SCML4: variants seen among roughly 807,000 people sequenced by gnomAD.
SCML4 encodes sex comb on midleg-like protein 4.
A neutral mutation model predicts 41.1 loss-of-function variants in SCML4; 34 were observed. The observed-to-expected ratio is 0.83, with a 90% confidence interval of 0.63 to 1.10. The LOEUF is 1.10. SCML4 is among the 50% of genes least tolerant of loss of function. The pLI is 0.00. For missense variants in SCML4, 522 were observed against 534.1 expected (o/e 0.98, Z 0.22); for synonymous variants, 214 against 220.9 (o/e 0.97, Z 0.28).
chr6:107,841,849 T>A, the SCML4 span, among the ~76,000 whole-genome samples: 1 of 152,202 alleles, frequency 6.6e-6, no homozygotes, highest in East Asian at 1.9e-4. Context: ...ACACCACTAT[T>A]TGCATTCACT....
chr6:107,832,432 C>G, the SCML4 span, among the ~76,000 whole-genome samples: 10 of 152,084 alleles, frequency 6.6e-5, no homozygotes, highest in Non-Finnish European at 1.5e-4. Context: ...CCACCCAGCA[C>G]AAGGGAGAGC....
At position 107,702,592 on chromosome 6, in the gene SCML4, A is replaced by C. The variant is rs1773271056; in HGVS notation, c.*2608T>G. ...TTGTTGTGGGATTTTTCTGGATCTC[A>C]TTGTTTTCACCCTGGCAGTTCTGAG... On this transcript the variant is annotated 3_prime_UTR_variant, in exon 8 of 8. Transcript: ENST00000369020. Among the ~76,000 whole-genome samples the C allele has an allele frequency of 6.6e-6, 1 of 152,166 alleles. No homozygotes were observed. Among genetic ancestry groups the C allele is most frequent in the Non-Finnish European group, 1.5e-5 (1 of 68,012 alleles).
At chr6:107,813,187 C>A (rs1456263061) in intron 1 of SCML4, among the ~76,000 whole-genome samples, 1 of 150,472 alleles carries the variant, frequency 6.6e-6, no homozygotes, top group Non-Finnish European at 1.5e-5. Context: ...CATGATGAAA[C>A]CCCGTCTCTA....
chr6:107,803,071 A>T (rs568738547), intron 1 of SCML4, among the ~76,000 whole-genome samples: 1 of 151,992 alleles, frequency 6.6e-6, no homozygotes, highest in African/African-American at 2.4e-5. Context: ...GCTGGAGTGC[A>T]GTGGCGTGAT....
chr6:107,803,764 T>C (rs1477881990), intron 1 of SCML4, among the ~76,000 whole-genome samples: 1 of 150,768 alleles, frequency 6.6e-6, no homozygotes, highest in East Asian at 1.9e-4. Flanking sequence ...AACCCTGTGC[T>C]CTCTGAAACA....
intron 1 of SCML4, among the ~76,000 whole-genome samples, chr6:107,815,535 C>T (rs1784499423): frequency 6.6e-6 from 1 of 152,150 alleles, no homozygotes; most frequent in Admixed American, 6.5e-5. Flanking sequence ...TTTGGAAAAT[C>T]ACACCACCCG....
chr6:107,832,132 G>A, the SCML4 span, among the ~76,000 whole-genome samples: 13 of 152,062 alleles, frequency 8.5e-5, no homozygotes, highest in South Asian at 4.2e-4. Context: ...CCAGCTACTC[G>A]GGAGGCTGAG....
intron 5 of SCML4, among the ~76,000 whole-genome samples, chr6:107,732,744 G>A (rs761906581): frequency 3.9e-5 from 6 of 152,096 alleles, no homozygotes; most frequent in South Asian, 4.1e-4. Context: ...GAGAATTCCC[G>A]AGAGCTGGGG....
the SCML4 span, among the ~76,000 whole-genome samples, chr6:107,844,167 T>C: frequency 3.3e-5 from 5 of 152,010 alleles, no homozygotes; most frequent in Admixed American, 2.6e-4. Flanking sequence ...TATTAAATGA[T>C]GGGAAACAGA....
intron 2 of SCML4, among the ~76,000 whole-genome samples, chr6:107,757,312 A>G (rs981370546): frequency 6.6e-6 from 1 of 152,146 alleles, no homozygotes; most frequent in Non-Finnish European, 1.5e-5. Flanking sequence ...TAAAGGGGAG[A>G]GGATCGGTTG....
intron 1 of SCML4, among the ~76,000 whole-genome samples, chr6:107,801,003 T>A (rs184743980): frequency 1.3e-5 from 2 of 152,386 alleles, no homozygotes. Context: ...TCCAAGTTTC[T>A]GCGTTCCTTC....
intron 5 of SCML4, among the ~76,000 whole-genome samples, chr6:107,734,355 C>G (rs1037555805): frequency 6.6e-6 from 1 of 152,162 alleles, no homozygotes; most frequent in Non-Finnish European, 1.5e-5. Context: ...CAACGTGACT[C>G]AATATTACTC....
At chr6:107,834,710 C>A in the SCML4 span, among the ~76,000 whole-genome samples, 1 of 152,170 alleles carries the variant, frequency 6.6e-6, no homozygotes, top group Non-Finnish European at 1.5e-5. Flanking sequence ...CTTTGGGAGG[C>A]TGAGGCAGGC....
At chr6:107,721,290 G>T (rs894720021) in intron 5 of SCML4, among the ~76,000 whole-genome samples, 3 of 152,152 alleles carry the variant, frequency 2.0e-5, no homozygotes, top group Admixed American at 6.5e-5. Flanking sequence ...CAGGCCAGGT[G>T]CAGTGGCTCC....
intron 5 of SCML4, 116 bp downstream of exon 5, chr6:107,744,833 G>T: frequency 2.3e-6 from 2 of 862,900 alleles, no homozygotes; most frequent in Non-Finnish European, 3.6e-6. Context: ...GGCAGCCCAT[G>T]GGGCTCCAGT....
chr6:107,827,593 C>T (rs185566993), upstream of SCML4, among the ~76,000 whole-genome samples: 197 of 152,130 alleles, frequency 1.3e-3, no homozygotes, highest in African/African-American at 3.7e-3. Context: ...GAAAAGTGAC[C>T]GCTCTGAGCT....
At chr6:107,824,888 G>A (rs960965356), upstream of SCML4, among the ~76,000 whole-genome samples, 18 of 152,280 alleles carry the variant, frequency 1.2e-4, no homozygotes, top group Admixed American at 5.2e-4. Flanking sequence ...AGAGCAGTGT[G>A]CCTATCCAGG....
chr6:107,721,384 T>C (rs1775395463), intron 5 of SCML4, among the ~76,000 whole-genome samples: 1 of 152,040 alleles, frequency 6.6e-6, no homozygotes, highest in Non-Finnish European at 1.5e-5. Context: ...GCCAACATGA[T>C]GAAACTCCAT....
At chr6:107,770,261 C>T (rs1288605800) in intron 2 of SCML4, among the ~76,000 whole-genome samples, 1 of 151,914 alleles carries the variant, frequency 6.6e-6, no homozygotes, top group Non-Finnish European at 1.5e-5. Flanking sequence ...TAAAACAAAA[C>T]ATTTTACCAC....
Sources: gnomAD v4.1 joint callset for allele counts (sites outside exome capture counted in the v4.1 genomes callset) on GRCh38, gnomAD v4.1.1 for gene constraint, MANE v1.5 for transcripts, NCBI Gene and HGNC (gene_info 2026-07-23, HGNC 2026-07-21) for gene names.